The following ARHGEF33 variants were observed in gnomAD, a reference collection of about 807,000 sequenced individuals.
The protein encoded by ARHGEF33 is DH and coiled-coil domain-containing protein ENSP00000381780.
Under a neutral mutation model 101.9 loss-of-function variants are expected in ARHGEF33, and 72 were observed. The observed-to-expected ratio is 0.71, with a 90% CI of 0.58 to 0.86. ARHGEF33 has a LOEUF of 0.86. Ranked by LOEUF, ARHGEF33 falls within the 40% of genes least tolerant of loss-of-function variation. The pLI, the probability that ARHGEF33 is intolerant of heterozygous loss-of-function variation, is 0.00. For missense variants in ARHGEF33, 1,169 were observed against 1,111.3 expected (o/e 1.05, Z -0.74); for synonymous variants, 499 against 442.5 (o/e 1.13, Z -1.60).
chr2:38,959,311 A>C (rs1374867527), intron 15 of ARHGEF33: 1 of 152,262 alleles, frequency 6.6e-6, no homozygotes, highest in African/African-American at 2.4e-5. Context: ...GAATATTTTA[A>C]AATTTTTATT....
chr2:38,969,599 C>G (rs1668123804), intron 17 of ARHGEF33: 2 of 168,032 alleles, frequency 1.2e-5, no homozygotes, highest in African/African-American at 2.4e-5. Flanking sequence ...GAAAAATGCC[C>G]AAAATATTTG....
At chr2:38,962,849 CAAAAAAAA>C (rs386389985) in intron 16 of ARHGEF33, among the ~76,000 whole-genome samples, 8 of 56,132 alleles carry the variant, frequency 1.4e-4, no homozygotes, top group Admixed American at 3.1e-4. Flanking sequence ...CCCGTCTCTA[CAAAAAAAA>C]AAAAAAAAAA....
chr2:38,897,613 C>T (rs1350283966), intron 2 of ARHGEF33, among the ~76,000 whole-genome samples: 1 of 152,098 alleles, frequency 6.6e-6, no homozygotes, highest in East Asian at 1.9e-4. Context: ...TAAAATTTTG[C>T]CTATAATTTA....
At chr2:38,952,297 C>G (rs1211976548) in intron 11 of ARHGEF33, among the ~76,000 whole-genome samples, 1 of 152,236 alleles carries the variant, frequency 6.6e-6, no homozygotes, top group Admixed American at 6.5e-5. Flanking sequence ...CCTCTAATAT[C>G]ATTTTTACTC....
chr2:38,973,962 C>T lies in ARHGEF33; in HGVS notation c.*119C>T, dbSNP rs1668222533. 2 of 652,646 alleles carry T rather than the reference C, an allele frequency of 3.1e-6. No homozygotes were observed. Among genetic ancestry groups the T allele is most frequent in the South Asian group, 7.4e-5 (1 of 13,512 alleles). The allele number at this position is 652,646 out of a possible 1,614,324, so 40.4% of individuals were successfully genotyped here. On this transcript the variant is annotated 3_prime_UTR_variant, in exon 18 of 18. Transcript: ENST00000409978. ...TATATATATATATCGATGTATAAAT[C>T]CCTGAGGAAAACTAATATAAATACT...
intron 16 of ARHGEF33, among the ~76,000 whole-genome samples, chr2:38,961,288 G>C (rs1667931933): frequency 6.6e-6 from 1 of 152,060 alleles, no homozygotes; most frequent in African/African-American, 2.4e-5. Context: ...AACTCTATTG[G>C]GTCAGGGACA....
At chr2:38,937,147 A>G (rs1242254538) in intron 8 of ARHGEF33, 188 bp from the exon 9 acceptor site, 2 of 520,208 alleles carry the variant, frequency 3.8e-6, no homozygotes, top group African/African-American at 3.9e-5. Flanking sequence ...GGTGCCCGCC[A>G]CCACGCCCAG....
intron 2 of ARHGEF33, among the ~76,000 whole-genome samples, chr2:38,909,904 T>A (rs1354744587): frequency 6.6e-6 from 1 of 152,134 alleles, no homozygotes; most frequent in Non-Finnish European, 1.5e-5. Flanking sequence ...TTTATAACCA[T>A]TAATTTTTAT....
intron 17 of ARHGEF33, chr2:38,971,983 G>A (rs1419875445): frequency 2.8e-6 from 2 of 718,352 alleles, no homozygotes; most frequent in Non-Finnish European, 5.2e-6. Flanking sequence ...CCATCAAAGT[G>A]TGACATGTTG....
chr2:38,901,675 A>ACGGT (rs751152249), intron 2 of ARHGEF33, among the ~76,000 whole-genome samples: 4 of 152,218 alleles, frequency 2.6e-5, no homozygotes, highest in Non-Finnish European at 5.9e-5. Context: ...CTGGAGTCTT[A>ACGGT]CGGTCGTTCC....
intron 13 of ARHGEF33, among the ~76,000 whole-genome samples, chr2:38,955,597 T>G (rs1378234931): frequency 6.9e-6 from 1 of 143,918 alleles, no homozygotes; most frequent in African/African-American, 2.6e-5. Flanking sequence ...CCTCCCAGGC[T>G]CAAGCAATGC....
Position 38,960,204 on chromosome 2 carries a change from G to A in ARHGEF33, c.1899G>A (p.Pro633=). Residue 633 remains proline (P), a synonymous_variant, in exon 16 of 18, where the codon CCG becomes CCA. Coordinates refer to ENST00000409978, the MANE Select transcript of ARHGEF33 (RefSeq NM_001145451.5). ...FALPAPYDEE[P]FQAPALFENC... is the part of the protein sequence containing the mutation. The stretch of plus-strand genomic sequence containing the variant: ...TGCCCGCGCCCTACGACGAGGAGCC[G>A]TTCCAGGCTCCGGCCCTCTTCGAGA... 1.3e-6 allele frequency: 2 copies of A among 1,545,574 alleles called. No individual in the cohort carries two copies. The highest frequency in any genetic ancestry group is 1.7e-6 in the Non-Finnish European group (2 of 1,144,636).
chr2:38,891,665 A>G (rs1424409329), intron 1 of ARHGEF33, among the ~76,000 whole-genome samples: 1 of 152,188 alleles, frequency 6.6e-6, no homozygotes, highest in Non-Finnish European at 1.5e-5. Flanking sequence ...TTATAAATGT[A>G]AGAATCTTTA....
At chr2:38,952,703 AT>A (rs11455955) in intron 11 of ARHGEF33, among the ~76,000 whole-genome samples, 275 of 144,902 alleles carry the variant, frequency 1.9e-3, no homozygotes, top group Middle Eastern at 3.5e-3. Flanking sequence ...TTTAAGATAC[AT>A]TTTTTTTTTT....
At chr2:38,954,633 CTTT>C (rs10706405) in intron 13 of ARHGEF33, among the ~76,000 whole-genome samples, 177 bp downstream of exon 13, 31 of 101,118 alleles carry the variant, frequency 3.1e-4, no homozygotes, top group Admixed American at 6.3e-4. Context: ...GAGCTAAAAC[CTTT>C]TTTTTTTTTT....
Position 38,937,503 on chromosome 2 carries a change from C to G in ARHGEF33, c.734C>G (p.Ala245Gly). The G allele has an allele frequency of 1.3e-6, 2 of 1,551,018 alleles. No homozygotes were observed. Among genetic ancestry groups the G allele is most frequent in the South Asian group, 2.4e-5 (2 of 84,032 alleles). The part of the protein sequence containing the change: ...TKDHPDKLKE[A>G]GQGRHSSLEN... ...GACCACCCAGATAAACTCAAGGAGG[C>G]TGGCCAGGGTAGACACAGCTCCTTG... is the stretch of plus-strand genomic sequence containing the variant. Residue 245 changes from alanine to glycine, a missense_variant, in exon 9 of 18, where the codon GCT (alanine) becomes GGT (glycine). By Grantham distance (60) the Ala-to-Gly change is moderately conservative (BLOSUM62 0). Coordinates refer to ENST00000409978, the MANE Select transcript of ARHGEF33 (RefSeq NM_001145451.5).
At chr2:38,956,510 T>TC (rs1667770538) in intron 13 of ARHGEF33, among the ~76,000 whole-genome samples, 1 of 152,112 alleles carries the variant, frequency 6.6e-6, no homozygotes. Context: ...ATCATAAACA[T>TC]CCCCCTCCCT....
At chr2:38,906,994 T>A (rs1666406899) in intron 2 of ARHGEF33, among the ~76,000 whole-genome samples, 1 of 151,882 alleles carries the variant, frequency 6.6e-6, no homozygotes, top group African/African-American at 2.4e-5. Context: ...AGTTGACAGA[T>A]GACAATTGAG....
chr2:38,929,115 C>T, intron 5 of ARHGEF33, 44 bp downstream of exon 5: 2 of 1,473,562 alleles, frequency 1.4e-6, no homozygotes, highest in Non-Finnish European at 1.8e-6. Flanking sequence ...GAATTTTGGT[C>T]TCAGTAACAG....
Sources: gnomAD v4.1 joint callset for allele counts (sites outside exome capture counted in the v4.1 genomes callset) on GRCh38, gnomAD v4.1.1 for gene constraint, MANE v1.5 for transcripts, NCBI Gene and HGNC (gene_info 2026-07-23, HGNC 2026-07-21) for gene names.